The following ABCA9 variants were observed in gnomAD, a reference collection of about 807,000 sequenced individuals.
ABCA9 encodes ATP-binding cassette sub-family A member 9.
Under a neutral mutation model 205.3 loss-of-function variants are expected in ABCA9, and 183 were observed. The observed-to-expected ratio is 0.89, with a 90% CI of 0.79 to 1.01. The LOEUF (loss-of-function observed/expected upper bound fraction) is 1.01. Among genes scored for constraint, ABCA9 ranks in the 50% least tolerant of loss-of-function variants. The probability of loss-of-function intolerance (pLI) is 0.00; values close to 1 mark genes in which losing one functional copy is unlikely to be tolerated. For synonymous variants in ABCA9, 651 were observed against 683.3 expected (o/e 0.95, Z 0.74); for missense variants, 1,805 against 1,912.4 (o/e 0.94, Z 1.05).
chr17:69,052,821 A>C (rs569818657), intron 1 of ABCA9, among the ~76,000 whole-genome samples: 21 of 152,332 alleles, frequency 1.4e-4, no homozygotes, highest in African/African-American at 4.8e-4. Flanking sequence ...CTGACTGGCT[A>C]TATATTAGGG....
At chr17:68,978,009 A>C (rs2068936461) in intron 37 of ABCA9, among the ~76,000 whole-genome samples, 1 of 152,150 alleles carries the variant, frequency 6.6e-6, no homozygotes, top group Non-Finnish European at 1.5e-5. Context: ...AGCTGAATTC[A>C]ATTCCTGGAT....
In ABCA9 at chr17:69,050,975, T is replaced by G. The variant is rs990309247; in HGVS notation, c.96+56A>C. 3.3e-6 allele frequency: 5 copies of G among 1,503,970 alleles called. No homozygotes were observed. The South Asian group carries it at 4.8e-5, about 14-fold the overall frequency. The allele number at this position is 1,503,970 out of a possible 1,614,324, so 93.2% of individuals were successfully genotyped here. A position where few individuals can be genotyped will look rare whatever the true frequency, so the allele number is the denominator to read the frequency against. On this transcript the variant is annotated intron_variant, in intron 2 of 38. Coordinates refer to ENST00000340001, the MANE Select transcript of ABCA9 (RefSeq NM_080283.4). The stretch of plus-strand genomic sequence containing the variant: ...ATGAAAATAAAGTGTTTATGTTGCC[T>G]GATAAAATACTTTTTCATCCTCTAA...
intron 18 of ABCA9, among the ~76,000 whole-genome samples, chr17:69,021,025 A>C (rs2070790717): frequency 6.6e-6 from 1 of 152,192 alleles, no homozygotes; most frequent in Admixed American, 6.5e-5. Flanking sequence ...AAAGCAAGAT[A>C]AAAGTTACCT....
chr17:69,054,719 C>A (rs531518255), intron 1 of ABCA9, among the ~76,000 whole-genome samples: 2 of 151,464 alleles, frequency 1.3e-5, no homozygotes, highest in African/African-American at 4.9e-5. Context: ...GCCATATATA[C>A]AATATATGTA....
rs368413158 is a variant in ABCA9 at position 69,016,238 on chromosome 17, T to C, written c.3039+15A>G. 3.2e-6 allele frequency: 5 copies of C among 1,549,056 alleles called. No homozygotes were observed. In the African/African-American group the frequency reaches 5.6e-5, roughly 17 times the overall value. ...TTATCATGGCACAGTATAAATGAGA[T>C]ATAATTATACTTACTTCAAAAAATG... is the stretch of plus-strand genomic sequence containing the variant. On this transcript the variant is annotated intron_variant, in intron 22 of 38. Transcript: ENST00000340001.
At chr17:69,021,941 T>C in intron 17 of ABCA9, 80 bp from the exon 18 acceptor site, 1 of 1,182,290 alleles carries the variant, frequency 8.5e-7, no homozygotes, top group Non-Finnish European at 1.1e-6. Flanking sequence ...AAAATATTGG[T>C]AATAGGCCAA....
chr17:68,980,827 C>G (rs573332689), intron 37 of ABCA9, among the ~76,000 whole-genome samples: 78 of 151,214 alleles, frequency 5.2e-4, no homozygotes, highest in African/African-American at 1.9e-3. Context: ...TGACGAGTTA[C>G]TGGGTGCAGC....
At chr17:69,070,334 A>AG in the ABCA9 span, among the ~76,000 whole-genome samples, 7 of 152,186 alleles carry the variant, frequency 4.6e-5, no homozygotes. Context: ...CCTGGTCTGC[A>AG]GCTCCTAGCG....
In ABCA9 at chr17:68,984,987, G is replaced by C. The variant is rs527659354; in HGVS notation, c.4285-8C>G. Reference sequence around the variant, plus strand: ...GCTCAGCACAAAGCACAGCTGCAACGGGAGGAACAGCCCCTCTGGTTCCCA... The same window carrying C: ...GCTCAGCACAAAGCACAGCTGCAACCGGAGGAACAGCCCCTCTGGTTCCCA... On this transcript the variant is annotated splice_polypyrimidine_tract_variant and splice_region_variant and intron_variant, in intron 33 of 38. Coordinates refer to ENST00000340001, the MANE Select transcript of ABCA9 (RefSeq NM_080283.4). 1 of 1,614,056 alleles carries C rather than the reference G, an allele frequency of 6.2e-7. No individual in the cohort carries two copies. The highest frequency in any genetic ancestry group is 8.5e-7 in the Non-Finnish European group (1 of 1,180,046).
chr17:69,067,142 A>C, the ABCA9 span, among the ~76,000 whole-genome samples: 1 of 152,182 alleles, frequency 6.6e-6, no homozygotes, highest in South Asian at 2.1e-4. Context: ...TAAAAAAAGA[A>C]TTGACATATT....
the ABCA9 span, among the ~76,000 whole-genome samples, chr17:69,069,167 C>A: frequency 6.6e-6 from 1 of 152,082 alleles, no homozygotes; most frequent in Admixed American, 6.6e-5. Flanking sequence ...TTTCTTGGAC[C>A]CATCAGAGAT....
intron 26 of ABCA9, 145 bp downstream of exon 26, chr17:68,995,750 T>A: frequency 9.3e-7 from 1 of 1,075,026 alleles, no homozygotes; most frequent in East Asian, 2.4e-5. Context: ...CCCTTATCCA[T>A]GCGTGGCAAG....
intron 22 of ABCA9, among the ~76,000 whole-genome samples, chr17:69,013,028 C>T (rs564404880): frequency 1.2e-4 from 18 of 152,266 alleles, no homozygotes; most frequent in East Asian, 1.9e-4. Context: ...GTTCCATCTA[C>T]GTTGTTGCAA....
intron 32 of ABCA9, among the ~76,000 whole-genome samples, chr17:68,985,514 C>G (rs1212067609): frequency 2.0e-5 from 3 of 152,030 alleles, no homozygotes; most frequent in Admixed American, 1.3e-4. Flanking sequence ...CCCAGCTACT[C>G]AGGAGGCTGA....
At chr17:69,043,317 C>T (rs2071607961) in intron 6 of ABCA9, 172 bp downstream of exon 6, 3 of 552,682 alleles carry the variant, frequency 5.4e-6, no homozygotes, top group Non-Finnish European at 9.5e-6. Flanking sequence ...ATACATGAAG[C>T]TTTGCTCACT....
At chr17:69,031,231 T>G (rs577145765) in intron 10 of ABCA9, among the ~76,000 whole-genome samples, 1 of 152,174 alleles carries the variant, frequency 6.6e-6, no homozygotes, top group Non-Finnish European at 1.5e-5. Flanking sequence ...TCCTATGATC[T>G]CTCTGATAGG....
chr17:69,008,414 G>A (rs2070241979), intron 23 of ABCA9, among the ~76,000 whole-genome samples, 179 bp from the exon 24 acceptor site: 2 of 152,200 alleles, frequency 1.3e-5, no homozygotes, highest in South Asian at 4.1e-4. Flanking sequence ...AATGCTGCAA[G>A]CCACGTCATT....
At chr17:68,978,538 A>G (rs1375086975) in intron 37 of ABCA9, among the ~76,000 whole-genome samples, 1 of 152,160 alleles carries the variant, frequency 6.6e-6, no homozygotes, top group Non-Finnish European at 1.5e-5. Flanking sequence ...TTTTCTCGTT[A>G]GTTGATGCAG....
At chr17:69,021,951 A>G in intron 17 of ABCA9, 90 bp from the exon 18 acceptor site, 1 of 1,100,668 alleles carries the variant, frequency 9.1e-7, no homozygotes, top group Non-Finnish European at 1.2e-6. Flanking sequence ...TAATAGGCCA[A>G]ATGTACTAAT....
Sources: allele counts gnomAD v4.1 joint callset (sites outside exome capture counted in the v4.1 genomes callset), GRCh38; gene constraint gnomAD v4.1.1; transcripts MANE v1.5; gene names NCBI Gene and HGNC (gene_info 2026-07-23, HGNC 2026-07-21).